NYAP2: variants seen among roughly 807,000 people sequenced by gnomAD.
The protein encoded by NYAP2 is neuronal tyrosine-phosphorylated phosphoinositide-3-kinase adapter 2.
In NYAP2, 23 loss-of-function variants were observed where a neutral mutation model predicts 50.4. The ratio of observed to expected loss-of-function variants is 0.46; its 90% CI spans 0.33 to 0.65. NYAP2 has a LOEUF of 0.65. NYAP2 is among the 30% of genes least tolerant of loss of function. The pLI is 0.02. For synonymous variants in NYAP2, 394 were observed against 365.2 expected (o/e 1.08, Z -0.90); for missense variants, 885 against 861.0 (o/e 1.03, Z -0.35).
At chr2:225,444,220 A>G (rs1689516209) in intron 3 of NYAP2, among the ~76,000 whole-genome samples, 1 of 151,532 alleles carries the variant, frequency 6.6e-6, no homozygotes, top group Non-Finnish European at 1.5e-5. Context: ...TCATTATAGC[A>G]TTGACATTTC....
At chr2:225,501,348 C>T (rs1690603742) in intron 3 of NYAP2, among the ~76,000 whole-genome samples, 1 of 152,074 alleles carries the variant, frequency 6.6e-6, no homozygotes, top group Non-Finnish European at 1.5e-5. Context: ...AAGATGGTTA[C>T]AAAGTTGAAG....
intron 5 of NYAP2, among the ~76,000 whole-genome samples, chr2:225,597,347 T>C (rs1032429808): frequency 1.3e-5 from 2 of 151,030 alleles, no homozygotes; most frequent in African/African-American, 4.8e-5. Context: ...TTCTTATGCC[T>C]TTGCATCCTC....
At chr2:225,438,382 G>A (rs1689415656) in intron 3 of NYAP2, among the ~76,000 whole-genome samples, 1 of 152,220 alleles carries the variant, frequency 6.6e-6, no homozygotes, top group African/African-American at 2.4e-5. Flanking sequence ...ATCAAAGATA[G>A]ACACATCCTG....
chr2:225,635,137 C>T (rs1693390083), intron 6 of NYAP2, among the ~76,000 whole-genome samples: 1 of 152,154 alleles, frequency 6.6e-6, no homozygotes, highest in African/African-American at 2.4e-5. Flanking sequence ...AAGAAGACTC[C>T]CATGCACACA....
intron 3 of NYAP2, among the ~76,000 whole-genome samples, chr2:225,446,246 CTATATATATATA>C (rs58633886): frequency 0.031 from 2,505 of 82,040 alleles, 101 homozygotes; most frequent in African/African-American, 0.095. Flanking sequence ...CTCTCTCTCT[CTATATATATATA>C]TATATATATA....
intron 3 of NYAP2, among the ~76,000 whole-genome samples, chr2:225,481,827 G>C (rs768523123): frequency 3.2e-4 from 48 of 152,166 alleles, no homozygotes; most frequent in Non-Finnish European, 5.1e-4. Flanking sequence ...TTGATTCCTA[G>C]TTTGGTCCAA....
In NYAP2 at chr2:225,456,530, C is replaced by A. The variant is rs551948976; in HGVS notation, c.221+47429C>A. 2.0e-5 allele frequency among the ~76,000 whole-genome samples: 3 copies of A among 152,190 alleles called. No individual in the cohort carries two copies. In the South Asian group the frequency reaches 6.2e-4, roughly 32 times the overall value. ...AATAAACCTGAGAGGAGCTTCTGGC[C>A]TAATTAGGTCAGGAGCTTCTCTCTT... On this transcript the variant is annotated intron_variant, in intron 3 of 6. Transcript: ENST00000636099.
chr2:225,495,200 C>G (rs1264435096), intron 3 of NYAP2, among the ~76,000 whole-genome samples: 1 of 152,146 alleles, frequency 6.6e-6, no homozygotes, highest in Non-Finnish European at 1.5e-5. Context: ...CACTGATTGC[C>G]TTTCTACCCC....
chr2:225,434,481 A>G (rs1689338352), intron 3 of NYAP2, among the ~76,000 whole-genome samples: 3 of 152,222 alleles, frequency 2.0e-5, no homozygotes, highest in African/African-American at 2.4e-5. Flanking sequence ...TTGAATTTTC[A>G]TGAAGAGAGA....
chr2:225,401,107 G>A (rs1271535208), intron 2 of NYAP2, 64 bp downstream of exon 2: 3 of 152,478 alleles, frequency 2.0e-5, no homozygotes, highest in Non-Finnish European at 4.4e-5. Context: ...AATAGATCAA[G>A]CAATCTGGTG....
the NYAP2 span, among the ~76,000 whole-genome samples, chr2:225,679,568 C>T: frequency 1.5e-5 from 2 of 135,380 alleles, no homozygotes; most frequent in Non-Finnish European, 3.1e-5. Flanking sequence ...GATCTCAGCT[C>T]ACTGCAGCCT....
chr2:225,436,739 C>CAAAAAAA (rs755609110), intron 3 of NYAP2, among the ~76,000 whole-genome samples: 19 of 109,416 alleles, frequency 1.7e-4, no homozygotes, highest in African/African-American at 5.5e-4. Context: ...TCTGTATAGT[C>CAAAAAAA]AAAAAAAAAA....
At chr2:225,399,172 T>C (rs912541951), upstream of NYAP2, among the ~76,000 whole-genome samples, 2 of 152,028 alleles carry the variant, frequency 1.3e-5, no homozygotes, top group Non-Finnish European at 2.9e-5. Flanking sequence ...TATCAAGTAA[T>C]AAGCACATCC....
chr2:225,440,757 G>T (rs984822783), intron 3 of NYAP2, among the ~76,000 whole-genome samples: 6 of 152,324 alleles, frequency 3.9e-5, no homozygotes, highest in Admixed American at 3.3e-4. Context: ...AAGCATGCTG[G>T]ATTGAATTTA....
the NYAP2 span, among the ~76,000 whole-genome samples, chr2:225,674,504 G>A: frequency 6.6e-6 from 1 of 152,032 alleles, no homozygotes; most frequent in Non-Finnish European, 1.5e-5. Flanking sequence ...GAGTATGTGA[G>A]GGGCAGAAGT....
At chr2:225,431,968 GTTGT>G (rs1275145335) in intron 3 of NYAP2, among the ~76,000 whole-genome samples, 9 of 151,478 alleles carry the variant, frequency 5.9e-5, no homozygotes, top group East Asian at 3.9e-4. Context: ...GGTTTTTTTT[GTTGT>G]TTGTTTGTTT....
intron 4 of NYAP2, among the ~76,000 whole-genome samples, chr2:225,553,146 C>T (rs1375197278): frequency 2.6e-5 from 4 of 152,224 alleles, no homozygotes; most frequent in East Asian, 1.9e-4. Flanking sequence ...TCTGACGGGA[C>T]GTCCCTGCCT....
intron 4 of NYAP2, among the ~76,000 whole-genome samples, chr2:225,524,278 G>A (rs966161572): frequency 6.6e-6 from 1 of 152,134 alleles, no homozygotes; most frequent in Non-Finnish European, 1.5e-5. Flanking sequence ...GGAAGAACTT[G>A]GAGTCTGATG....
the NYAP2 span, among the ~76,000 whole-genome samples, chr2:225,681,342 A>C: frequency 1.2e-3 from 179 of 152,354 alleles, 1 homozygote; most frequent in African/African-American, 3.8e-3. Context: ...GGCCATATGC[A>C]ATTGCAAGAG....
Sources: gnomAD v4.1 joint callset for allele counts (sites outside exome capture counted in the v4.1 genomes callset) on GRCh38, gnomAD v4.1.1 for gene constraint, MANE v1.5 for transcripts, NCBI Gene and HGNC (gene_info 2026-07-23, HGNC 2026-07-21) for gene names.